TRIO: variants seen among roughly 807,000 people sequenced by gnomAD.
The protein encoded by TRIO is triple functional domain protein.
In TRIO, 58 loss-of-function variants were observed where a neutral mutation model predicts 351.9. That is an observed-to-expected ratio of 0.16 (90% CI 0.13 to 0.21). The LOEUF is 0.21. Among genes scored for constraint, TRIO ranks in the 10% least tolerant of loss-of-function variants. The pLI, the probability that TRIO is intolerant of heterozygous loss-of-function variation, is 1.00. For synonymous variants in TRIO, 1,758 were observed against 1,595.7 expected, an observed-to-expected ratio of 1.10 and a Z score of -2.42; for missense variants, 3,201 against 4,027.8, an observed-to-expected ratio of 0.79 and a Z score of 5.56.
chr5:14,423,341 C>T (rs1013755156), intron 34 of TRIO, among the ~76,000 whole-genome samples: 1 of 152,246 alleles, frequency 6.6e-6, no homozygotes, highest in Non-Finnish European at 1.5e-5. Flanking sequence ...AGTACGTGGG[C>T]TCACTGTTGA....
At chr5:14,232,685 A>C (rs1445666398) in intron 1 of TRIO, among the ~76,000 whole-genome samples, 1 of 152,268 alleles carries the variant, frequency 6.6e-6, no homozygotes, top group African/African-American at 2.4e-5. Flanking sequence ...CGAGGTGTGT[A>C]TCCTTTGAGC....
intron 9 of TRIO, among the ~76,000 whole-genome samples, chr5:14,326,964 GA>G (rs1740447332): frequency 6.6e-6 from 1 of 152,070 alleles, no homozygotes; most frequent in African/African-American, 2.4e-5. Flanking sequence ...ATTATCATTG[GA>G]ATTTGTACAT....
chr5:14,275,564 C>T (rs908019006), intron 2 of TRIO, among the ~76,000 whole-genome samples: 1 of 138,186 alleles, frequency 7.2e-6, no homozygotes, highest in African/African-American at 2.5e-5. Context: ...TGTGCCTCCC[C>T]TATAGGAAAA....
At chr5:14,209,615 G>T (rs1791757805) in intron 1 of TRIO, among the ~76,000 whole-genome samples, 1 of 152,184 alleles carries the variant, frequency 6.6e-6, no homozygotes, top group Non-Finnish European at 1.5e-5. Context: ...GGCCTTGGGG[G>T]TGCTGCCACA....
At chr5:14,426,370 A>C (rs1389973984) in intron 34 of TRIO, among the ~76,000 whole-genome samples, 1 of 152,164 alleles carries the variant, frequency 6.6e-6, no homozygotes, top group Non-Finnish European at 1.5e-5. Flanking sequence ...ACAAATCCTC[A>C]TGGGAAAAAT....
In TRIO at chr5:14,270,905, G is replaced by A. The variant is rs1561275339; in HGVS notation, c.232+6G>A. 6.2e-7 allele frequency: 1 copy of A among 1,609,596 alleles called. No homozygotes were observed. The highest frequency in any genetic ancestry group is 8.5e-7 in the Non-Finnish European group (1 of 1,176,118). ...AAAAGTTGCATACCTTTCAGGTAAAGTTTAACTTTCAACTCTGCTCTATCC... is the reference window on the plus strand; with the variant it reads ...AAAAGTTGCATACCTTTCAGGTAAAATTTAACTTTCAACTCTGCTCTATCC... On this transcript the variant is annotated splice_donor_region_variant and intron_variant, in intron 2 of 56. Coordinates refer to ENST00000344204, the MANE Select transcript of TRIO (RefSeq NM_007118.4).
At chr5:14,270,731 A>G (rs569614042) in intron 1 of TRIO, 94 bp from the exon 2 acceptor site, 7 of 903,034 alleles carry the variant, frequency 7.8e-6, no homozygotes, top group Middle Eastern at 4.4e-4. Flanking sequence ...ATGGATGTGG[A>G]TAAAGCTGCT....
intron 1 of TRIO, among the ~76,000 whole-genome samples, chr5:14,168,381 A>G (rs1788901107): frequency 6.6e-6 from 1 of 152,268 alleles, no homozygotes; most frequent in South Asian, 2.1e-4. Context: ...TAGGTGAACT[A>G]AATAGGCTCT....
At chr5:14,373,285 C>T (rs1411407313) in intron 18 of TRIO, among the ~76,000 whole-genome samples, 1 of 152,170 alleles carries the variant, frequency 6.6e-6, no homozygotes, top group Admixed American at 6.5e-5. Flanking sequence ...TCAGTAGAGA[C>T]TCATGATGTG....
At chr5:14,197,410 T>C (rs762900558) in intron 1 of TRIO, among the ~76,000 whole-genome samples, 3 of 152,222 alleles carry the variant, frequency 2.0e-5, no homozygotes, top group African/African-American at 4.8e-5. Context: ...GTCCAGGCTA[T>C]CTTGTGGAGA....
chr5:14,352,689 A>G (rs539325854), intron 11 of TRIO, among the ~76,000 whole-genome samples: 30 of 152,334 alleles, frequency 2.0e-4, no homozygotes, highest in Non-Finnish European at 3.8e-4. Context: ...CGAAGGGGCA[A>G]ATATTTTAAA....
chr5:14,260,219 G>T (rs895349447), intron 1 of TRIO, among the ~76,000 whole-genome samples: 2 of 152,104 alleles, frequency 1.3e-5, no homozygotes, highest in Non-Finnish European at 2.9e-5. Flanking sequence ...GATAGATACA[G>T]CATTTCAATG....
At chr5:14,219,817 AT>A (rs1335677279) in intron 1 of TRIO, among the ~76,000 whole-genome samples, 1 of 150,972 alleles carries the variant, frequency 6.6e-6, no homozygotes, top group Non-Finnish European at 1.5e-5. Context: ...ATAGATCAGT[AT>A]TTTTCAAGCA....
Position 14,482,663 on chromosome 5 carries a change from T to G in TRIO, c.6547T>G (p.Cys2183Gly). The G allele has an allele frequency of 6.2e-7, 1 of 1,610,552 alleles. No individual in the cohort carries two copies. Among genetic ancestry groups the G allele is most frequent in the East Asian group, 2.2e-5 (1 of 44,674 alleles). ...TDQDAGLLPR[C>G]RERRIFLFEQ... ...CCAAGATGCAGGACTTCTGCCTCGC[T>G]GCAGAGAGAGGCGCATCTTCCTCTT... Residue 2183 changes from cysteine to glycine, a missense_variant, in exon 46 of 57, where the codon TGC (cysteine) becomes GGC (glycine). By Grantham distance (159) the Cys-to-Gly change is radical. Around this residue, in one of 19 missense-constraint regions of TRIO, gnomAD observed 1,089 missense variants for 954.9 expected, o/e 1.14. Coordinates refer to ENST00000344204, the MANE Select transcript of TRIO (RefSeq NM_007118.4).
intron 11 of TRIO, among the ~76,000 whole-genome samples, chr5:14,345,541 A>G (rs1054827028): frequency 6.6e-6 from 1 of 152,200 alleles, no homozygotes; most frequent in African/African-American, 2.4e-5. Flanking sequence ...AAAATGCCCA[A>G]TTGGAAATAG....
intron 1 of TRIO, among the ~76,000 whole-genome samples, chr5:14,163,474 G>C (rs1788595305): frequency 6.6e-6 from 1 of 152,192 alleles, no homozygotes. Context: ...AAAGTGCTGG[G>C]ATTATAGGTG....
rs758344039 is a variant in TRIO, at chr5:14,508,065, A to G, written c.8937A>G (p.Gly2979=). The G allele has an allele frequency of 1.9e-6, 3 of 1,614,192 alleles. No individual in the cohort carries two copies. The Admixed American group carries it at 5.0e-5, about 27-fold the overall frequency. The part of the protein sequence containing the change: ...VSLTSDTWSV[G]VLTYVLLSGV... The stretch of plus-strand genomic sequence containing the variant: ...TGACCTCGGATACGTGGAGTGTTGG[A>G]GTGCTCACATACGTACTTCTTAGTG... The change falls in exon 57 of 57, where the codon GGA becomes GGG. Residue 2979 remains glycine, a synonymous_variant. Transcript: ENST00000344204.
chr5:14,149,504 A>G (rs927207082), intron 1 of TRIO, among the ~76,000 whole-genome samples: 1 of 152,134 alleles, frequency 6.6e-6, no homozygotes, highest in Non-Finnish European at 1.5e-5. Context: ...AACCCAAATT[A>G]CTAATCACCT....
intron 36 of TRIO, 130 bp from the exon 37 acceptor site, chr5:14,465,415 G>T: frequency 1.2e-6 from 1 of 816,920 alleles, no homozygotes. Context: ...TGTAAACAAA[G>T]ACAAACTTGT....
Sources: gnomAD v4.1 joint callset for allele counts (sites outside exome capture counted in the v4.1 genomes callset) on GRCh38, gnomAD v4.1.1 for gene constraint, gnomAD v4.1.1 regional missense constraint, MANE v1.5 for transcripts, NCBI Gene and HGNC (gene_info 2026-07-23, HGNC 2026-07-21) for gene names.